NKAIN1: variants seen among roughly 807,000 people sequenced by gnomAD.
The protein encoded by NKAIN1 is sodium/potassium transporting ATPase interacting 1.
NKAIN1 carries 13 observed loss-of-function variants against 31.6 expected under a neutral mutation model. The observed-to-expected ratio is 0.41, with a 90% CI of 0.27 to 0.65. The LOEUF (loss-of-function observed/expected upper bound fraction) is 0.65, where lower values mean the gene tolerates loss of function less well. Among genes scored for constraint, NKAIN1 ranks in the 30% least tolerant of loss-of-function variants. The pLI, the probability that NKAIN1 is intolerant of heterozygous loss-of-function variation, is 0.30. For missense variants in NKAIN1, 193 were observed against 262.2 expected (o/e 0.74, Z 1.82); for synonymous variants, 104 against 109.0 (o/e 0.95, Z 0.28).
intron 4 of NKAIN1, 58 bp from the exon 5 acceptor site, chr1:31,182,648 C>T: frequency 1.3e-6 from 2 of 1,598,116 alleles, no homozygotes; most frequent in Non-Finnish European, 1.7e-6. Context: ...CTTCCTCCGC[C>T]CCCTGCCGGG....
In NKAIN1 at chr1:31,181,385, G is replaced by A; in HGVS notation, c.*318C>T. 3.1e-6 allele frequency: 1 copy of A among 321,238 alleles called. No individual in the cohort carries two copies. The allele number at this position is 321,238 out of a possible 1,614,324, so 19.9% of individuals were successfully genotyped here. ...TGCTGGGTGAAGAGTGAAAGGGAGA[G>A]GCTGGAGAAGAGAGGAAGGCCCCAG... is the stretch of plus-strand genomic sequence containing the variant. On this transcript the variant is annotated 3_prime_UTR_variant, in exon 7 of 7. Transcript: ENST00000373736.
In NKAIN1 at chr1:31,183,980, A is replaced by G. The variant is rs1645223206; in HGVS notation, c.308T>C (p.Leu103Pro). The G allele has an allele frequency of 6.2e-7, 1 of 1,614,042 alleles. No individual in the cohort carries two copies. Among genetic ancestry groups the G allele is most frequent in the Non-Finnish European group, 8.5e-7 (1 of 1,179,986 alleles). ...ATTCTCCATCCACCAGGAGCGGTGC[A>G]GGGATGTGTTGAAGGTCATGATGAA... Reference protein sequence around the residue: ...RDFIMTFNTSLHRSWWMENGP... With the variant: ...RDFIMTFNTSPHRSWWMENGP... The change falls in exon 4 of 7, where the codon CTG (leucine) becomes CCG (proline). Residue 103 changes from leucine (L) to proline (P), a missense_variant. Leu to Pro is a moderately conservative substitution (Grantham distance 98). Transcript: ENST00000373736.
chr1:31,193,110 C>T (rs113541267), intron 1 of NKAIN1, among the ~76,000 whole-genome samples: 6,453 of 151,084 alleles, frequency 0.043, 278 homozygotes, highest in African/African-American at 0.11. Flanking sequence ...ACTCTGTCTC[C>T]CAGGCTGGAG....
At chr1:31,214,040 TAAAC>T (rs1278785385) in intron 1 of NKAIN1, among the ~76,000 whole-genome samples, 2 of 130,610 alleles carry the variant, frequency 1.5e-5, no homozygotes, top group African/African-American at 2.7e-5. Flanking sequence ...ATTAATTAAT[TAAAC>T]AAAATAAAAA....
chr1:31,190,686 C>G (rs1225216427), intron 1 of NKAIN1, among the ~76,000 whole-genome samples: 1 of 152,184 alleles, frequency 6.6e-6, no homozygotes, highest in East Asian at 1.9e-4. Flanking sequence ...ACTAGGTAAT[C>G]TCCAAGGGCC....
chr1:31,223,442 T>C (rs1335825430), intron 1 of NKAIN1, among the ~76,000 whole-genome samples: 1 of 151,906 alleles, frequency 6.6e-6, no homozygotes, highest in Non-Finnish European at 1.5e-5. Context: ...CTGTTTGTTT[T>C]GTTTTGTTTT....
At position 31,183,739 on chromosome 1, in the gene NKAIN1, C is replaced by T. The variant is rs149736911; in HGVS notation, c.471+78G>A. The T allele has an allele frequency of 5.4e-4, 800 of 1,472,618 alleles. 3 individuals are homozygous for T. In the African/African-American group the frequency reaches 8.7e-3, roughly 16 times the overall value. The allele number at this position is 1,472,618 out of a possible 1,614,324, so 91.2% of individuals were successfully genotyped here. ...CTGGGATTGCAGGCGTGAGCCACTGCGCCCAACCCATCCCCTCAACCAGAG... is the reference window on the plus strand; with the variant it reads ...CTGGGATTGCAGGCGTGAGCCACTGTGCCCAACCCATCCCCTCAACCAGAG... On this transcript the variant is annotated intron_variant, in intron 4 of 6. Coordinates refer to ENST00000373736, the MANE Select transcript of NKAIN1 (RefSeq NM_024522.3).
At chr1:31,219,620 C>G (rs1395582614) in intron 1 of NKAIN1, among the ~76,000 whole-genome samples, 2 of 152,244 alleles carry the variant, frequency 1.3e-5, no homozygotes, top group African/African-American at 4.8e-5. Context: ...CCGGTACCGC[C>G]CAGGTCCCCT....
chr1:31,191,553 T>G (rs1022094030), intron 1 of NKAIN1, among the ~76,000 whole-genome samples: 15 of 152,038 alleles, frequency 9.9e-5, no homozygotes, highest in South Asian at 2.1e-4. Flanking sequence ...ATCCCTCTCT[T>G]GAGAAGTTGT....
At chr1:31,212,401 T>C (rs1001603622) in intron 1 of NKAIN1, among the ~76,000 whole-genome samples, 31 of 64,080 alleles carry the variant, frequency 4.8e-4, no homozygotes, top group African/African-American at 1.2e-3. Context: ...GGTAATAGTT[T>C]CTTTTTTTTT....
chr1:31,213,291 A>G (rs1645485007), intron 1 of NKAIN1, among the ~76,000 whole-genome samples: 1 of 152,214 alleles, frequency 6.6e-6, no homozygotes, highest in South Asian at 2.1e-4. Context: ...TTTGCAAAGA[A>G]TTTCTCCAAA....
In NKAIN1 at chr1:31,182,691, A is replaced by G. The variant is rs1645212792; in HGVS notation, c.472-101T>C. On this transcript the variant is annotated intron_variant, in intron 4 of 6. Coordinates refer to ENST00000373736, the MANE Select transcript of NKAIN1 (RefSeq NM_024522.3). ...CGCTCTGACTGGCAAGGGAGGAGGC[A>G]TGCCAGGATGAAGGCAAACCGTAAC... 3 of 1,284,362 alleles carry G rather than the reference A, an allele frequency of 2.3e-6. No homozygotes were observed. In the Admixed American group the frequency reaches 5.9e-5, roughly 25 times the overall value. The allele number at this position is 1,284,362 out of a possible 1,614,324, so 79.6% of individuals were successfully genotyped here. A position where few individuals can be genotyped will look rare whatever the true frequency, so the allele number is the denominator to read the frequency against.
intron 2 of NKAIN1, among the ~76,000 whole-genome samples, 154 bp downstream of exon 2, chr1:31,187,895 TG>T (rs1475749466): frequency 1.3e-5 from 2 of 151,626 alleles, no homozygotes; most frequent in Non-Finnish European, 2.9e-5. Context: ...CAAAGAAGCA[TG>T]GGGCTGTGCA....
At position 31,191,399 on chromosome 1, in the gene NKAIN1, GGTTTT is replaced by G. The variant is rs1557650862; in HGVS notation, c.55-3217_55-3213del. Among the ~76,000 whole-genome samples the G allele has an allele frequency of 5.7e-3, 600 of 106,120 alleles. 36 individuals are homozygous for G. In the East Asian group the frequency reaches 0.12, roughly 20 times the overall value. The allele number at this position is 106,120 out of a possible 152,430, so 69.6% of individuals were successfully genotyped here. On this transcript the variant is annotated intron_variant, in intron 1 of 6. Coordinates refer to ENST00000373736, the MANE Select transcript of NKAIN1 (RefSeq NM_024522.3). ...ACCTTATTGATAGAAAACAGAGAGA[GGTTTT>G]TTTTTTTTTTTTTTTTTAAAGCAGT...
intron 1 of NKAIN1, among the ~76,000 whole-genome samples, chr1:31,224,423 T>C (rs1379393961): frequency 5.3e-5 from 8 of 152,198 alleles, no homozygotes; most frequent in Admixed American, 2.0e-4. Flanking sequence ...CTCCTTGATT[T>C]ACGACGGGGC....
chr1:31,239,502 G>A lies in NKAIN1; in HGVS notation c.46C>T (p.Leu16=). The part of the protein sequence containing the change: ...GRCTLVAFCC[L]QLVAALERQI... ...GGGCACGCGACGCTTACCAGCTGCA[G>A]GCAGCAGAAGGCGACCAGCGTGCAG... The change falls in exon 1 of 7, where the codon CTG becomes TTG. Residue 16 remains leucine, a synonymous_variant. Transcript: ENST00000373736. This position sits in a 1 kb window ranked among gnomAD's most constrained non-coding sequence, Gnocchi z 4.8. The A allele has an allele frequency of 7.1e-7, 1 of 1,414,712 alleles. No homozygotes were observed. The highest frequency in any genetic ancestry group is 9.2e-7 in the Non-Finnish European group (1 of 1,088,602). The allele number at this position is 1,414,712 out of a possible 1,614,324, so 87.6% of individuals were successfully genotyped here.
rs549305706 is a variant in NKAIN1 at position 31,193,358 on chromosome 1, G to A, written c.55-5171C>T. Among the ~76,000 whole-genome samples the A allele has an allele frequency of 7.3e-5, 11 of 151,650 alleles. No individual in the cohort carries two copies. The South Asian group carries it at 1.7e-3, about 23-fold the overall frequency. The stretch of plus-strand genomic sequence containing the variant: ...GCTGGGATTACAGGCGTGAGCCACC[G>A]CGCCCGGCAACAATCTCAATTTTAA... On this transcript the variant is annotated intron_variant, in intron 1 of 6. Transcript: ENST00000373736.
chr1:31,225,029 TTTTC>T (rs200293413), intron 1 of NKAIN1, among the ~76,000 whole-genome samples: 16 of 131,578 alleles, frequency 1.2e-4, no homozygotes, highest in East Asian at 6.6e-4. Flanking sequence ...TTTTCTTTTC[TTTTC>T]TTTTTTTTTT....
intron 1 of NKAIN1, among the ~76,000 whole-genome samples, chr1:31,202,343 A>C (rs1645386760): frequency 6.6e-6 from 1 of 152,176 alleles, no homozygotes; most frequent in African/African-American, 2.4e-5. Flanking sequence ...CCTGGGCCAA[A>C]CGGCCCAGGG....
Sources: gnomAD v4.1 joint callset for allele counts (sites outside exome capture counted in the v4.1 genomes callset) on GRCh38, gnomAD v4.1.1 for gene constraint, Gnocchi (gnomAD v3.1) non-coding constraint, MANE v1.5 for transcripts, NCBI Gene and HGNC (gene_info 2026-07-23, HGNC 2026-07-21) for gene names.